PHEX: variants seen among roughly 807,000 people sequenced by gnomAD.
PHEX encodes the protein phosphate-regulating neutral endopeptidase PHEX.
In PHEX, 16 loss-of-function variants were observed where a neutral mutation model predicts 68.0. That is an observed-to-expected ratio of 0.24 (90% CI 0.16 to 0.36). The LOEUF is 0.36. Among genes scored for constraint, PHEX ranks in the 10% least tolerant of loss-of-function variants. The pLI is 1.00. For synonymous variants in PHEX, 208 were observed against 205.1 expected, an observed-to-expected ratio of 1.01 and a Z score of -0.12; for missense variants, 480 against 575.5, an observed-to-expected ratio of 0.83 and a Z score of 1.70.
intron 20 of PHEX, among the ~76,000 whole-genome samples, chrX:22,235,375 G>A (rs1935938741): frequency 1.8e-5 from 2 of 112,042 alleles, no homozygotes; most frequent in Admixed American, 1.9e-4. Flanking sequence ...TAGACAGTTT[G>A]GGCTGCTATA....
At chrX:22,050,801 C>T (rs1423269298) in intron 3 of PHEX, among the ~76,000 whole-genome samples, 2 of 111,376 alleles carry the variant, frequency 1.8e-5, no homozygotes, top group Non-Finnish European at 3.8e-5. Context: ...TATCAAGAGA[C>T]TCAGATGGAG....
At chrX:22,166,818 A>G (rs1030098052) in intron 12 of PHEX, among the ~76,000 whole-genome samples, 4 of 110,409 alleles carry the variant, frequency 3.6e-5, no homozygotes, top group Non-Finnish European at 7.6e-5. Flanking sequence ...ATCCTACTGT[A>G]CTCTGTTATG....
intron 13 of PHEX, among the ~76,000 whole-genome samples, chrX:22,176,384 C>T (rs1225245564): frequency 1.4e-5 from 1 of 73,916 alleles, no homozygotes; most frequent in Non-Finnish European, 2.6e-5. Flanking sequence ...GAGACTGTCT[C>T]AAAAAAAAAA....
At chrX:22,241,711 A>G (rs973706429) in intron 20 of PHEX, among the ~76,000 whole-genome samples, 1 of 112,217 alleles carries the variant, frequency 8.9e-6, no homozygotes, top group Non-Finnish European at 1.9e-5. Context: ...CACCCTCCCA[A>G]GACTAAACCA....
chrX:22,185,525 C>T (rs1451617347), intron 14 of PHEX, among the ~76,000 whole-genome samples: 1 of 111,461 alleles, frequency 9.0e-6, no homozygotes, highest in Non-Finnish European at 1.9e-5. Flanking sequence ...GAAGGAATTC[C>T]AATTCAATAG....
chrX:22,098,093 GTTT>G (rs879094593), intron 8 of PHEX: 108 of 89,480 alleles, frequency 1.2e-3, no homozygotes, highest in Middle Eastern at 7.9e-3. Context: ...TTCCTCTTGT[GTTT>G]TTTTTTTTTT....
intron 11 of PHEX, among the ~76,000 whole-genome samples, chrX:22,131,844 C>G (rs867368285): frequency 1.8e-5 from 2 of 111,234 alleles, no homozygotes; most frequent in Middle Eastern, 4.6e-3. Context: ...CAAAGCATCT[C>G]TGCAGGAGAA....
intron 12 of PHEX, among the ~76,000 whole-genome samples, chrX:22,137,625 G>C: frequency 9.0e-6 from 1 of 111,461 alleles, no homozygotes. Context: ...GGTTCTCAAG[G>C]TGTGGTTCCA....
chrX:22,085,359 GAGGTC>G (rs1284058631), intron 5 of PHEX, among the ~76,000 whole-genome samples: 1 of 110,847 alleles, frequency 9.0e-6, no homozygotes, highest in African/African-American at 3.3e-5. Flanking sequence ...TGGATCACCT[GAGGTC>G]AGGGGTTTGA....
At chrX:22,060,069 T>C (rs1216534909) in intron 3 of PHEX, among the ~76,000 whole-genome samples, 1 of 107,151 alleles carries the variant, frequency 9.3e-6, no homozygotes, top group Non-Finnish European at 1.9e-5. Context: ...GAGGGAAGAA[T>C]GCTTGAGCCC....
chrX:22,221,680 G>T lies in PHEX; in HGVS notation c.1836G>T (p.Lys612Asn), dbSNP rs1342349139. 8.3e-7 allele frequency: 1 copy of T among 1,201,171 alleles called. No homozygotes were observed. Among genetic ancestry groups the T allele is most frequent in the Non-Finnish European group, 1.1e-6 (1 of 885,718 alleles). ...CTACTGAATCAGAAGAAAAGTTTAA[G>T]GAAAAAACAAAATGCATGATTAACC... is the stretch of plus-strand genomic sequence containing the variant. ...WWSTESEEKF[K>N]EKTKCMINQY... The change falls in exon 18 of 22, where the codon AAG becomes AAT. Residue 612 changes from lysine to asparagine, a missense_variant. Coordinates refer to ENST00000379374, the MANE Select transcript of PHEX (RefSeq NM_000444.6).
intron 8 of PHEX, chrX:22,097,607 T>G: frequency 4.7e-6 from 1 of 213,241 alleles, no homozygotes; most frequent in Non-Finnish European, 6.9e-6. Flanking sequence ...ACAGGGGAGG[T>G]TGGGCAAGTG....
rs1935418804 is a variant in PHEX, at chrX:22,224,985, C to CGA, written c.1900-1458_1900-1457insGA. On this transcript the variant is annotated intron_variant, in intron 18 of 21. Transcript: ENST00000379374. ...CGCTGTATGATTTATTATCATACAG[C>CGA]TCTGTATGTCAGAAGTCTGACATGG... Among the ~76,000 whole-genome samples, 2 of 107,163 alleles carry CGA rather than the reference C, an allele frequency of 1.9e-5. 1 individual carries two copies. The highest frequency in any genetic ancestry group is 6.8e-5 in the African/African-American group (2 of 29,389). The allele number at this position is 107,163 out of a possible 115,157, so 93.1% of individuals were successfully genotyped here.
chrX:22,232,581 G>A (rs191453360), intron 20 of PHEX, among the ~76,000 whole-genome samples: 946 of 81,541 alleles, frequency 0.012, 17 homozygotes, highest in African/African-American at 0.042. Context: ...TCAGAGATTA[G>A]GATTGCCACT....
Position 22,212,977 on chromosome X carries a change from A to C in PHEX, c.1700+19A>C. The C allele has an allele frequency of 8.9e-7, 1 of 1,128,075 alleles. No homozygotes were observed. The highest frequency in any genetic ancestry group is 1.8e-5 in the South Asian group (1 of 55,087). 93.0% of individuals were successfully genotyped at this position (1,128,075 alleles called of 1,213,427 possible). A position where few individuals can be genotyped will look rare whatever the true frequency, so the allele number is the denominator to read the frequency against. Reference sequence around the variant, plus strand: ...ATCCTCGGTGAGTAAATGAGTACAGAAACCAGTTACTGACCAATTAGGAAG... The same window carrying C: ...ATCCTCGGTGAGTAAATGAGTACAGCAACCAGTTACTGACCAATTAGGAAG... On this transcript the variant is annotated intron_variant, in intron 16 of 21. Coordinates refer to ENST00000379374, the MANE Select transcript of PHEX (RefSeq NM_000444.6).
chrX:22,228,775 C>G (rs191321278), intron 20 of PHEX, among the ~76,000 whole-genome samples: 1 of 111,178 alleles, frequency 9.0e-6, no homozygotes, highest in Non-Finnish European at 1.9e-5. Context: ...ACGTGCAGAA[C>G]GTGCAGTTTT....
intron 12 of PHEX, among the ~76,000 whole-genome samples, chrX:22,143,726 G>C (rs1421880365): frequency 1.8e-5 from 2 of 112,224 alleles, no homozygotes; most frequent in African/African-American, 6.5e-5. Flanking sequence ...CATCCACTTT[G>C]TAGCATGTAT....
In PHEX at chrX:22,237,608, T is replaced by C. The variant is rs139295777; in HGVS notation, c.2071-7725T>C. ...CTTTTTCAAAATCTGGGTTTTATTATTTTCCTACTCAAGAATGACTTTTAA... is the reference window on the plus strand; with the variant it reads ...CTTTTTCAAAATCTGGGTTTTATTACTTTCCTACTCAAGAATGACTTTTAA... On this transcript the variant is annotated intron_variant, in intron 20 of 21. Coordinates refer to ENST00000379374, the MANE Select transcript of PHEX (RefSeq NM_000444.6). Among the ~76,000 whole-genome samples the C allele has an allele frequency of 5.5e-3, 615 of 112,049 alleles. 7 individuals are homozygous for C. The highest frequency in any genetic ancestry group is 0.019 in the African/African-American group (590 of 30,814).
chrX:22,209,793 C>T (rs1388263143), intron 15 of PHEX, among the ~76,000 whole-genome samples: 3 of 97,848 alleles, frequency 3.1e-5, no homozygotes, highest in Non-Finnish European at 6.2e-5. Context: ...CCCTCTCTCT[C>T]TCCCTCTCCC....
Sources: allele counts gnomAD v4.1 joint callset (sites outside exome capture counted in the v4.1 genomes callset), GRCh38; gene constraint gnomAD v4.1.1; transcripts MANE v1.5; gene names NCBI Gene and HGNC (gene_info 2026-07-23, HGNC 2026-07-21).